Variants in AGBL1 observed in about 807,000 individuals in gnomAD.
AGBL1 encodes AGBL carboxypeptidase 1.
A neutral mutation model predicts 118.9 loss-of-function variants in AGBL1; 130 were observed. The ratio of observed to expected loss-of-function variants is 1.09; its 90% CI spans 0.95 to 1.26. The LOEUF is 1.26. AGBL1 is among the 50% of genes most tolerant of loss of function. The pLI, the probability that AGBL1 is intolerant of heterozygous loss-of-function variation, is 0.00. For missense variants in AGBL1, 1,584 were observed against 1,298.1 expected, an observed-to-expected ratio of 1.22 and a Z score of -3.38; for synonymous variants, 555 against 478.9, an observed-to-expected ratio of 1.16 and a Z score of -2.08.
At chr15:86,904,805 A>G (rs537664755) in intron 22 of AGBL1, among the ~76,000 whole-genome samples, 1 of 148,476 alleles carries the variant, frequency 6.7e-6, no homozygotes, top group East Asian at 1.9e-4. Flanking sequence ...ATTCCACAAA[A>G]GATGATTCAA....
At chr15:86,766,790 T>G (rs2078102780) in intron 22 of AGBL1, among the ~76,000 whole-genome samples, 1 of 151,766 alleles carries the variant, frequency 6.6e-6, no homozygotes, top group African/African-American at 2.4e-5. Flanking sequence ...CTGTCCACAA[T>G]GAAGGAAACA....
At chr15:86,286,727 T>TTTGTG (rs2079455799) in intron 16 of AGBL1, among the ~76,000 whole-genome samples, 1 of 80,416 alleles carries the variant, frequency 1.2e-5, no homozygotes, top group Non-Finnish European at 2.6e-5. Flanking sequence ...GTGTGTGTGT[T>TTTGTG]TGTGTGTGTA....
intron 1 of AGBL1, among the ~76,000 whole-genome samples, chr15:86,125,310 T>A (rs926510274): frequency 6.6e-6 from 1 of 152,192 alleles, no homozygotes; most frequent in Non-Finnish European, 1.5e-5. Flanking sequence ...TAATCTTATT[T>A]CCATGATGAA....
chr15:86,707,014 G>A (rs1346164799), intron 22 of AGBL1, among the ~76,000 whole-genome samples: 1 of 152,118 alleles, frequency 6.6e-6, no homozygotes, highest in African/African-American at 2.4e-5. Flanking sequence ...TACTGATAAT[G>A]ATGATGCAAC....
intron 22 of AGBL1, among the ~76,000 whole-genome samples, chr15:86,716,957 G>C (rs139461014): frequency 2.8e-4 from 42 of 152,216 alleles, no homozygotes; most frequent in Admixed American, 7.9e-4. Context: ...AGAAGTTTTT[G>C]TTTTGTTTTT....
At chr15:86,450,558 T>C (rs1566997388) in intron 18 of AGBL1, among the ~76,000 whole-genome samples, 1 of 152,210 alleles carries the variant, frequency 6.6e-6, no homozygotes, top group Non-Finnish European at 1.5e-5. Context: ...ATTCTGTTTA[T>C]TCAGGCCGGA....
At chr15:86,953,244 T>C (rs558050859) in intron 23 of AGBL1, among the ~76,000 whole-genome samples, 1 of 152,156 alleles carries the variant, frequency 6.6e-6, no homozygotes, top group Non-Finnish European at 1.5e-5. Context: ...AATCTATAAA[T>C]TGCTTTGGGC....
intron 22 of AGBL1, among the ~76,000 whole-genome samples, chr15:86,776,527 G>A (rs1473186858): frequency 1.3e-5 from 2 of 148,348 alleles, no homozygotes; most frequent in African/African-American, 2.4e-5. Flanking sequence ...TTTTCTTATT[G>A]ATTTGTAGAA....
Position 86,615,387 on chromosome 15 carries a change from G to T in AGBL1, c.2995-58886G>T, listed in dbSNP as rs1214750957. On this transcript the variant is annotated intron_variant, in intron 21 of 22. Coordinates refer to ENST00000614907, the MANE Select transcript of AGBL1 (RefSeq NM_001386094.1). This position sits in a 1 kb window ranked among gnomAD's most constrained non-coding sequence, Gnocchi z 4.3. ...TTCAGGAGTAGGTTTGATGCAGGTG[G>T]TGTCCAGTGGGATCTGGGGTAAGGA... Among the ~76,000 whole-genome samples, 1 of 152,206 alleles carries T rather than the reference G, an allele frequency of 6.6e-6. No homozygotes were observed. The highest frequency in any genetic ancestry group is 1.5e-5 in the Non-Finnish European group (1 of 68,032).
At chr15:86,728,887 A>C (rs918150015) in intron 22 of AGBL1, among the ~76,000 whole-genome samples, 2 of 152,262 alleles carry the variant, frequency 1.3e-5, no homozygotes, top group East Asian at 3.9e-4. Flanking sequence ...TTTAGTTTGC[A>C]CTAGGAAATG....
At chr15:86,299,539 G>A (rs1022270802) in intron 17 of AGBL1, among the ~76,000 whole-genome samples, 1 of 152,092 alleles carries the variant, frequency 6.6e-6, no homozygotes, top group African/African-American at 2.4e-5. Context: ...TGGAACAGGA[G>A]CTCCAACAGG....
intron 24 of AGBL1, among the ~76,000 whole-genome samples, chr15:86,998,623 T>C (rs1194886959): frequency 6.6e-6 from 1 of 152,196 alleles, no homozygotes; most frequent in East Asian, 1.9e-4. Context: ...ATTTGTTATA[T>C]GGCAATAAAG....
At chr15:86,286,343 G>A (rs1281869344) in intron 16 of AGBL1, among the ~76,000 whole-genome samples, 2 of 151,782 alleles carry the variant, frequency 1.3e-5, no homozygotes, top group African/African-American at 2.4e-5. Flanking sequence ...TAGGGATTTT[G>A]GAATAATTCT....
At chr15:86,646,647 T>C (rs1049109130) in intron 21 of AGBL1, among the ~76,000 whole-genome samples, 5 of 152,154 alleles carry the variant, frequency 3.3e-5, no homozygotes, top group Admixed American at 6.5e-5. Context: ...TATAAATAAC[T>C]TTTTTCCCAC....
At chr15:86,581,026 C>T (rs2084165378) in intron 21 of AGBL1, among the ~76,000 whole-genome samples, 1 of 152,072 alleles carries the variant, frequency 6.6e-6, no homozygotes, top group South Asian at 2.1e-4. Context: ...GGAAACTTTC[C>T]TTCACTCACT....
At chr15:86,080,255 G>C (rs1263593329) in intron 1 of AGBL1, 2 of 369,742 alleles carry the variant, frequency 5.4e-6, no homozygotes, top group African/African-American at 4.2e-5. Flanking sequence ...GATCCTCGTG[G>C]GATCAGAGGC....
chr15:86,238,913 C>T (rs972277188), intron 6 of AGBL1, among the ~76,000 whole-genome samples: 5 of 152,184 alleles, frequency 3.3e-5, no homozygotes, highest in Admixed American at 2.6e-4. Flanking sequence ...CTTGGCCTCC[C>T]AAAGTGCTGG....
intron 18 of AGBL1, among the ~76,000 whole-genome samples, chr15:86,449,791 C>T (rs541103768): frequency 5.3e-5 from 8 of 152,114 alleles, no homozygotes; most frequent in East Asian, 1.9e-4. Context: ...TTGTTGCATG[C>T]GTGCCTGTGA....
At chr15:86,973,486 T>C (rs1272336651) in intron 23 of AGBL1, among the ~76,000 whole-genome samples, 1 of 151,948 alleles carries the variant, frequency 6.6e-6, no homozygotes, top group Non-Finnish European at 1.5e-5. Context: ...TTCAGGGAAC[T>C]AGTTCCTCCC....
Sources: gnomAD v4.1 joint callset for allele counts (sites outside exome capture counted in the v4.1 genomes callset) on GRCh38, gnomAD v4.1.1 for gene constraint, Gnocchi (gnomAD v3.1) non-coding constraint, MANE v1.5 for transcripts, NCBI Gene and HGNC (gene_info 2026-07-23, HGNC 2026-07-21) for gene names.